LOC400499: variants seen among roughly 807,000 people sequenced by gnomAD.
At chr16:11,382,312 C>T in the LOC400499 span, among the ~76,000 whole-genome samples, 20 of 152,198 alleles carry the variant, frequency 1.3e-4, no homozygotes, top group African/African-American at 3.6e-4. Context: ...ATTTTCTCTT[C>T]TGCTGTTAAG....
chr16:11,389,062 G>A, the LOC400499 span, among the ~76,000 whole-genome samples: 2 of 152,270 alleles, frequency 1.3e-5, no homozygotes, highest in East Asian at 3.9e-4. Context: ...ACTCCAGCCT[G>A]GGCAACAAAG....
the LOC400499 span, among the ~76,000 whole-genome samples, chr16:11,510,254 T>C: frequency 1.3e-5 from 2 of 151,702 alleles, no homozygotes; most frequent in African/African-American, 4.9e-5. Flanking sequence ...CAACACCATC[T>C]GGCTGCCTGC....
the LOC400499 span, among the ~76,000 whole-genome samples, chr16:11,523,050 A>C: frequency 1.2e-3 from 184 of 152,304 alleles, no homozygotes; most frequent in African/African-American, 4.2e-3. Context: ...CATATTCCTA[A>C]GATGCTTCTC....
At chr16:11,518,654 A>G in the LOC400499 span, among the ~76,000 whole-genome samples, 1 of 152,110 alleles carries the variant, frequency 6.6e-6, no homozygotes, top group Non-Finnish European at 1.5e-5. Flanking sequence ...GAGTCACCCA[A>G]GGCTTCTACA....
chr16:11,435,362 C>T, the LOC400499 span, among the ~76,000 whole-genome samples: 1 of 152,178 alleles, frequency 6.6e-6, no homozygotes, highest in Admixed American at 6.5e-5. Context: ...AATCCTCCTG[C>T]CTCAGCCTCC....
chr16:11,468,801 T>C, the LOC400499 span, among the ~76,000 whole-genome samples: 846 of 152,278 alleles, frequency 5.6e-3, 8 homozygotes, highest in African/African-American at 0.02. Flanking sequence ...CTAATTTTTG[T>C]ATTTTTATCA....
the LOC400499 span, among the ~76,000 whole-genome samples, chr16:11,524,748 C>T: frequency 6.6e-6 from 1 of 150,998 alleles, no homozygotes; most frequent in Non-Finnish European, 1.5e-5. Context: ...ACCCCTCCCT[C>T]CCTCCCTCCA....
chr16:11,383,055 G>C, the LOC400499 span, among the ~76,000 whole-genome samples: 1 of 150,312 alleles, frequency 6.7e-6, no homozygotes, highest in Non-Finnish European at 1.5e-5. Flanking sequence ...AGTACAAAGA[G>C]AGGAGGTGCC....
At chr16:11,514,620 G>T in the LOC400499 span, 1 of 399,364 alleles carries the variant, frequency 2.5e-6, no homozygotes, top group Non-Finnish European at 4.4e-6. Context: ...GGGGAGGAGG[G>T]ACGAGGGACA....
chr16:11,467,400 A>C, the LOC400499 span: 1 of 151,994 alleles, frequency 6.6e-6, no homozygotes, highest in East Asian at 1.9e-4. Flanking sequence ...GTGTAAGCCC[A>C]AGAGTTTGAG....
At chr16:11,406,079 G>A in the LOC400499 span, among the ~76,000 whole-genome samples, 14 of 151,196 alleles carry the variant, frequency 9.3e-5, no homozygotes, top group African/African-American at 3.2e-4. Context: ...GGTATATTGT[G>A]TAATGGTGGG....
At chr16:11,389,992 C>T in the LOC400499 span, 3 of 604,936 alleles carry the variant, frequency 5.0e-6, no homozygotes, top group South Asian at 2.6e-4. Flanking sequence ...GAGAAGAAGC[C>T]CCTGGGCAGG....
the LOC400499 span, among the ~76,000 whole-genome samples, chr16:11,424,941 C>G: frequency 2.6e-5 from 4 of 152,260 alleles, no homozygotes; most frequent in East Asian, 7.7e-4. Flanking sequence ...TGCCCTGAAG[C>G]TGCATGTTCT....
At chr16:11,448,333 T>C in the LOC400499 span, among the ~76,000 whole-genome samples, 119,107 of 152,128 alleles carry the variant, frequency 0.78, 46,781 homozygotes, top group South Asian at 0.85. Flanking sequence ...GGAAGCCAAG[T>C]TTTGCTCCTG....
chr16:11,407,128 T>G, the LOC400499 span: 1 of 398,184 alleles, frequency 2.5e-6, no homozygotes, highest in African/African-American at 2.1e-5. Context: ...GGACAATTTT[T>G]CTTTTCTCAA....
chr16:11,491,948 C>T, the LOC400499 span: 1 of 395,796 alleles, frequency 2.5e-6, no homozygotes, highest in Non-Finnish European at 4.5e-6. Flanking sequence ...CTAGCCCCAG[C>T]TGTCCTGATG....
At chr16:11,398,706 C>G in the LOC400499 span, among the ~76,000 whole-genome samples, 7 of 151,490 alleles carry the variant, frequency 4.6e-5, no homozygotes, top group East Asian at 1.4e-3. Context: ...ATAGCCCAGG[C>G]TGGAGTACAG....
chr16:11,520,470 A>C, the LOC400499 span, among the ~76,000 whole-genome samples: 2 of 152,196 alleles, frequency 1.3e-5, no homozygotes, highest in East Asian at 3.9e-4. Flanking sequence ...CAGCTTGGCC[A>C]ACATGGTAAA....
chr16:11,479,609 A>C, the LOC400499 span, among the ~76,000 whole-genome samples: 6 of 152,162 alleles, frequency 3.9e-5, no homozygotes, highest in Admixed American at 3.9e-4. Flanking sequence ...GACAACAGAC[A>C]GAGCAAGACC....
Sources: allele counts gnomAD v4.1 joint callset (sites outside exome capture counted in the v4.1 genomes callset), GRCh38; gene constraint gnomAD v4.1.1; transcripts MANE v1.5.